CELF4: variants seen among roughly 807,000 people sequenced by gnomAD.
The protein encoded by CELF4 is CUG-BP- and ETR-3-like factor 4.
CELF4 carries 18 observed loss-of-function variants against 59.9 expected under a neutral mutation model. The ratio of observed to expected loss-of-function variants is 0.30; its 90% CI spans 0.21 to 0.45. CELF4 has a LOEUF of 0.45. CELF4 is among the 20% of genes least tolerant of loss of function. CELF4 has a pLI of 1.00. For missense variants in CELF4, 456 were observed against 689.0 expected, an observed-to-expected ratio of 0.66 and a Z score of 3.79; for synonymous variants, 261 against 267.1, an observed-to-expected ratio of 0.98 and a Z score of 0.22.
intron 4 of CELF4, 69 bp downstream of exon 4, chr18:37,275,046 G>A (rs982327491): frequency 7.0e-5 from 111 of 1,578,432 alleles, no homozygotes; most frequent in African/African-American, 9.5e-5. Flanking sequence ...GAGACTCAGA[G>A]GAGCCCTCTG....
chr18:37,283,810 G>T, intron 3 of CELF4, among the ~76,000 whole-genome samples: 2 of 151,044 alleles, frequency 1.3e-5, no homozygotes, highest in Non-Finnish European at 3.0e-5. Flanking sequence ...CATGGGCAGG[G>T]TTTGCATTGT....
chr18:37,351,521 T>C (rs1043919958), intron 2 of CELF4, among the ~76,000 whole-genome samples: 3 of 152,082 alleles, frequency 2.0e-5, no homozygotes, highest in African/African-American at 4.8e-5. Flanking sequence ...ATGAAAGGGC[T>C]GGTTTTACTT....
At chr18:37,405,310 A>G (rs1334866392) in intron 2 of CELF4, among the ~76,000 whole-genome samples, 1 of 152,164 alleles carries the variant, frequency 6.6e-6, no homozygotes, top group Non-Finnish European at 1.5e-5. Flanking sequence ...GGATGATCAC[A>G]TCTCCCCCAC....
At chr18:37,489,482 G>A (rs2099892946) in intron 1 of CELF4, among the ~76,000 whole-genome samples, 1 of 152,164 alleles carries the variant, frequency 6.6e-6, no homozygotes, top group South Asian at 2.1e-4. Flanking sequence ...TCCTAGGGAG[G>A]GAATGGGGGT....
intron 3 of CELF4, among the ~76,000 whole-genome samples, chr18:37,313,186 CA>C (rs2096738507): frequency 6.6e-6 from 1 of 152,186 alleles, no homozygotes; most frequent in Admixed American, 6.5e-5. Context: ...AAACCAACAC[CA>C]AATCAATGGG....
intron 2 of CELF4, among the ~76,000 whole-genome samples, chr18:37,477,439 G>T (rs944509365): frequency 1.3e-5 from 2 of 152,232 alleles, no homozygotes; most frequent in African/African-American, 4.8e-5. Flanking sequence ...GGCCAGGATG[G>T]TGTCTGCCCT....
intron 2 of CELF4, among the ~76,000 whole-genome samples, chr18:37,417,080 A>G (rs1256148579): frequency 6.6e-6 from 1 of 152,222 alleles, no homozygotes; most frequent in Non-Finnish European, 1.5e-5. Context: ...AACAGAAAAA[A>G]AGGGAAAAGA....
intron 2 of CELF4, among the ~76,000 whole-genome samples, chr18:37,334,725 CG>C (rs1166600011): frequency 2.6e-5 from 4 of 151,854 alleles, no homozygotes; most frequent in African/African-American, 9.7e-5. Flanking sequence ...TGCCCTGACC[CG>C]GGGGGGACAG....
intron 2 of CELF4, among the ~76,000 whole-genome samples, chr18:37,385,071 G>A (rs564441490): frequency 9.8e-4 from 149 of 152,284 alleles, no homozygotes; most frequent in African/African-American, 3.5e-3. Context: ...ACTAGGCTGG[G>A]CGTGGTGGCT....
intron 1 of CELF4, among the ~76,000 whole-genome samples, chr18:37,534,905 G>A (rs1344872076): frequency 6.6e-6 from 1 of 152,194 alleles, no homozygotes; most frequent in Admixed American, 6.5e-5. Flanking sequence ...CAGGGGCTGG[G>A]GCTGCACAGC....
chr18:37,559,907 TC>T (rs1405827401), intron 1 of CELF4, among the ~76,000 whole-genome samples: 3 of 152,206 alleles, frequency 2.0e-5, no homozygotes, highest in African/African-American at 7.2e-5. Flanking sequence ...ACTCAGAACT[TC>T]ACTACATGAG....
At chr18:37,531,582 TAAC>T (rs2099969650) in intron 1 of CELF4, among the ~76,000 whole-genome samples, 1 of 152,222 alleles carries the variant, frequency 6.6e-6, no homozygotes, top group Admixed American at 6.5e-5. Context: ...ATTTATTTAA[TAAC>T]AGCAGTTTGT....
chr18:37,354,183 G>A (rs1380562534), intron 2 of CELF4, among the ~76,000 whole-genome samples: 4 of 152,156 alleles, frequency 2.6e-5, no homozygotes, highest in Non-Finnish European at 4.4e-5. Flanking sequence ...TCTAGGGAGT[G>A]TGCCAGGAGC....
intron 2 of CELF4, among the ~76,000 whole-genome samples, chr18:37,436,099 G>A (rs931845500): frequency 4.6e-5 from 7 of 152,122 alleles, no homozygotes; most frequent in African/African-American, 1.2e-4. Context: ...GTCCTTTCTC[G>A]GGCAGGCTGG....
intron 11 of CELF4, among the ~76,000 whole-genome samples, chr18:37,256,941 G>T (rs1318982363): frequency 6.6e-6 from 1 of 152,218 alleles, no homozygotes; most frequent in Admixed American, 6.5e-5. Flanking sequence ...TGCCTGGTGA[G>T]AGAGAGAACC....
At chr18:37,389,749 C>A (rs1322620176) in intron 2 of CELF4, among the ~76,000 whole-genome samples, 1 of 152,176 alleles carries the variant, frequency 6.6e-6, no homozygotes, top group Non-Finnish European at 1.5e-5. Flanking sequence ...AGCGTGCACA[C>A]AGTCAGAAAT....
intron 8 of CELF4, among the ~76,000 whole-genome samples, chr18:37,269,431 G>C (rs1466292770): frequency 6.6e-6 from 1 of 152,160 alleles, no homozygotes; most frequent in Admixed American, 6.5e-5. Context: ...CAAATGCCTG[G>C]TCTGCACTCT....
intron 1 of CELF4, among the ~76,000 whole-genome samples, chr18:37,508,189 G>C (rs2099940329): frequency 6.6e-6 from 1 of 152,204 alleles, no homozygotes; most frequent in Admixed American, 6.5e-5. Context: ...GACAGGCTGG[G>C]CTTGATCACC....
At chr18:37,500,620 G>A (rs1190098002) in intron 1 of CELF4, among the ~76,000 whole-genome samples, 6 of 149,848 alleles carry the variant, frequency 4.0e-5, no homozygotes, top group East Asian at 4.0e-4. Flanking sequence ...TGCAAGCTCC[G>A]CCTCCTGGGT....
Sources: allele counts gnomAD v4.1 joint callset (sites outside exome capture counted in the v4.1 genomes callset), GRCh38; gene constraint gnomAD v4.1.1; transcripts MANE v1.5; gene names NCBI Gene and HGNC (gene_info 2026-07-23, HGNC 2026-07-21).